Variants in ELSPBP1 observed in about 807,000 individuals in gnomAD.
ELSPBP1 encodes the protein epididymal sperm-binding protein 1.
A neutral mutation model predicts 33.3 loss-of-function variants in ELSPBP1; 38 were observed. The ratio of observed to expected loss-of-function variants is 1.14; its 90% confidence interval spans 0.88 to 1.50. The LOEUF is 1.50. Among genes scored for constraint, ELSPBP1 ranks in the 40% most tolerant of loss-of-function variants. The pLI is 0.00. For missense variants in ELSPBP1, 267 were observed against 263.5 expected (o/e 1.01, Z -0.09); for synonymous variants, 85 against 94.1 (o/e 0.90, Z 0.56).
At chr19:48,015,482 CCCATCT>C (rs1967121800) in intron 3 of ELSPBP1, among the ~76,000 whole-genome samples, 1 of 152,084 alleles carries the variant, frequency 6.6e-6, no homozygotes, top group Admixed American at 6.6e-5. Context: ...ATGGCGACAC[CCCATCT>C]CTACTAAAAA....
Position 48,006,621 on chromosome 19 carries a change from C to CAAAAA in ELSPBP1, c.-17-2008_-17-2004dup, listed in dbSNP as rs1190341508. 8.5e-3 allele frequency among the ~76,000 whole-genome samples: 175 copies of CAAAAA among 20,580 alleles called. 3 individuals carry two copies. The highest frequency in any genetic ancestry group is 0.029 in the Middle Eastern group (1 of 34). 13.5% of individuals were successfully genotyped at this position (20,580 alleles called of 152,430 possible). On this transcript the variant is annotated intron_variant, in intron 1 of 6. Coordinates refer to ENST00000339841, the MANE Select transcript of ELSPBP1 (RefSeq NM_022142.5). ...TGGGCGACAGAGTGAGACCCTGTCT[C>CAAAAA]AAAAAAAAAAAAAAAAAAAAAAAAA...
At position 48,015,890 on chromosome 19, in the gene ELSPBP1, C is replaced by G; in HGVS notation, c.209-3C>G. 1 of 1,605,080 alleles carries G rather than the reference C, an allele frequency of 6.2e-7. No individual in the cohort carries two copies. Among genetic ancestry groups the G allele is most frequent in the Non-Finnish European group, 8.5e-7 (1 of 1,172,672 alleles). ...AGACACTCACGAACTCTGTTCCTAACAGATTACCCACGCTGTATCTTCCCT... is the reference window on the plus strand; with the variant it reads ...AGACACTCACGAACTCTGTTCCTAAGAGATTACCCACGCTGTATCTTCCCT... On this transcript the variant is annotated splice_polypyrimidine_tract_variant and splice_region_variant and intron_variant, in intron 3 of 6. Transcript: ENST00000339841.
chr19:48,023,513 AAATAAGGAAGGAAGGG>A lies in ELSPBP1; in HGVS notation c.*7+1181_*7+1196del, dbSNP rs1967233520. ...GAGGGAGGGAAGGAAAAGAGGAAGG[AAATAAGGAAGGAAGGG>A]AGGAAGGAAAGAAGGAAGAAAAGGG... On this transcript the variant is annotated intron_variant, in intron 6 of 6. Coordinates refer to ENST00000339841, the MANE Select transcript of ELSPBP1 (RefSeq NM_022142.5). 5.4e-5 allele frequency among the ~76,000 whole-genome samples: 5 copies of A among 91,996 alleles called. 1 individual carries two copies. The highest frequency in any genetic ancestry group is 2.1e-4 in the Admixed American group (2 of 9,566). The allele number at this position is 91,996 out of a possible 152,430, so 60.4% of individuals were successfully genotyped here. A position where few individuals can be genotyped will look rare whatever the true frequency, so the allele number is the denominator to read the frequency against.
chr19:48,024,068 G>C lies in ELSPBP1; in HGVS notation c.*8-884G>C, dbSNP rs547389962. 6.2e-3 allele frequency among the ~76,000 whole-genome samples: 904 copies of C among 144,658 alleles called. 4 individuals carry two copies. The highest frequency in any genetic ancestry group is 8.5e-3 in the Non-Finnish European group (566 of 66,534). 94.9% of individuals were successfully genotyped at this position (144,658 alleles called of 152,430 possible). A position where few individuals can be genotyped will look rare whatever the true frequency, so the allele number is the denominator to read the frequency against. On this transcript the variant is annotated intron_variant, in intron 6 of 6. Coordinates refer to ENST00000339841, the MANE Select transcript of ELSPBP1 (RefSeq NM_022142.5). ...TTTTTTTTTTTTTGTATTTTTAGTA[G>C]AGACGGGGTTTCACCATGTTGGCCA...
Position 48,025,117 on chromosome 19 carries a change from G to C in ELSPBP1, c.*173G>C, listed in dbSNP as rs574310901. On this transcript the variant is annotated 3_prime_UTR_variant, in exon 7 of 7. Coordinates refer to ENST00000339841, the MANE Select transcript of ELSPBP1 (RefSeq NM_022142.5). ...TTGTGAAGAACGTAGAGAGAATGCG[G>C]CATAACCACCAATAAAGGAGTCTTG... 7 of 152,130 alleles carry C rather than the reference G, an allele frequency of 4.6e-5. No homozygotes were observed. The highest frequency in any genetic ancestry group is 7.3e-5 in the Non-Finnish European group (5 of 68,030). The allele number at this position is 152,130 out of a possible 1,614,324, so 9.4% of individuals were successfully genotyped here. A position where few individuals can be genotyped will look rare whatever the true frequency, so the allele number is the denominator to read the frequency against.
In ELSPBP1 at chr19:48,016,055, A is replaced by T; in HGVS notation, c.355+16A>T. On this transcript the variant is annotated intron_variant, in intron 4 of 6. Coordinates refer to ENST00000339841, the MANE Select transcript of ELSPBP1 (RefSeq NM_022142.5). ...GAAACGAATGGTGAGCCCCTGTAGC[A>T]GGGATGGGATGTGTGGTGGGAGGGA... The T allele has an allele frequency of 6.2e-7, 1 of 1,611,758 alleles. No homozygotes were observed. The highest frequency in any genetic ancestry group is 8.5e-7 in the Non-Finnish European group (1 of 1,179,118).
In ELSPBP1 at chr19:47,995,517, A is replaced by G. The variant is rs560900985; in HGVS notation, c.-18+706A>G. ...AGGAAAAAGAAAGTTGAGATTCAAA[A>G]AGAGCTTACTGAGATCCTGTTGCTT... On this transcript the variant is annotated intron_variant, in intron 1 of 6. Coordinates refer to ENST00000339841, the MANE Select transcript of ELSPBP1 (RefSeq NM_022142.5). Among the ~76,000 whole-genome samples the G allele has an allele frequency of 4.4e-3, 671 of 152,308 alleles. 6 individuals carry two copies. The highest frequency in any genetic ancestry group is 7.4e-3 in the Non-Finnish European group (503 of 68,024).
chr19:48,004,435 G>T (rs1003736032), intron 1 of ELSPBP1, among the ~76,000 whole-genome samples: 1 of 152,188 alleles, frequency 6.6e-6, no homozygotes, highest in East Asian at 1.9e-4. Flanking sequence ...GGGATTATAG[G>T]CATGAGCCAC....
intron 1 of ELSPBP1, among the ~76,000 whole-genome samples, chr19:48,008,414 T>C (rs1421312185): frequency 6.6e-6 from 1 of 152,114 alleles, no homozygotes; most frequent in Admixed American, 6.6e-5. Flanking sequence ...AATGAAAATT[T>C]TGTAGAGGTG....
chr19:48,007,366 T>G (rs1031229772), intron 1 of ELSPBP1, among the ~76,000 whole-genome samples: 4 of 152,156 alleles, frequency 2.6e-5, no homozygotes, highest in Non-Finnish European at 2.9e-5. Context: ...CTCCCAAGCC[T>G]CAGTTTCCCT....
chr19:48,019,764 T>C lies in ELSPBP1; in HGVS notation c.401T>C (p.Ile134Thr). ...SLRKPCIFPSIYRNNVVSDCM... is the reference protein window; with the variant it reads ...SLRKPCIFPSTYRNNVVSDCM... ...AGGAAGCCCTGCATCTTCCCCTCCA[T>C]CTACAGAAATAATGTGGTCTCTGAT... The change falls in exon 5 of 7, where the codon ATC (isoleucine) becomes ACC (threonine). Residue 134 changes from isoleucine (I) to threonine (T), a missense_variant. Ile to Thr is a moderately conservative substitution (Grantham distance 89). Transcript: ENST00000339841. 1 of 1,614,050 alleles carries C rather than the reference T, an allele frequency of 6.2e-7. No homozygotes were observed. The highest frequency in any genetic ancestry group is 8.5e-7 in the Non-Finnish European group (1 of 1,180,006).
intron 2 of ELSPBP1, among the ~76,000 whole-genome samples, chr19:48,013,716 C>CAAA (rs35241354): frequency 0.012 from 1,609 of 135,156 alleles, 29 homozygotes; most frequent in African/African-American, 0.041. Flanking sequence ...GACTTCATCT[C>CAAA]AAAAAAAAAA....
intron 3 of ELSPBP1, among the ~76,000 whole-genome samples, chr19:48,014,542 G>T (rs895209033): frequency 1.6e-5 from 2 of 122,182 alleles, no homozygotes; most frequent in Non-Finnish European, 3.3e-5. Flanking sequence ...GGGGCGGGGG[G>T]AGGGATAGCA....
Position 48,022,189 on chromosome 19 carries a change from T to C in ELSPBP1, c.534T>C (p.Pro178=), listed in dbSNP as rs777334602. 6.2e-7 allele frequency: 1 copy of C among 1,613,054 alleles called. No individual in the cohort carries two copies. Among genetic ancestry groups the C allele is most frequent in the Non-Finnish European group, 8.5e-7 (1 of 1,179,550 alleles). The part of the protein sequence containing the change: ...CADTRISALV[P]GFPCHFPFNY... ...TCCTAGGAATTTCCGCGTTGGTCCC[T>C]GGCTTTCCTTGTCACTTTCCGTTCA... Residue 178 remains proline, a synonymous_variant, in exon 6 of 7, where the codon CCT becomes CCC. Transcript: ENST00000339841.
intron 1 of ELSPBP1, among the ~76,000 whole-genome samples, chr19:47,998,995 C>A (rs1359570594): frequency 6.6e-6 from 1 of 152,072 alleles, no homozygotes; most frequent in Non-Finnish European, 1.5e-5. Context: ...CCCTTCTGTG[C>A]GTCAGAACAT....
intron 1 of ELSPBP1, among the ~76,000 whole-genome samples, chr19:48,008,419 G>T (rs1029670912): frequency 6.6e-6 from 1 of 152,094 alleles, no homozygotes; most frequent in African/African-American, 2.4e-5. Flanking sequence ...AAATTTTGTA[G>T]AGGTGGGGTC....
At chr19:48,001,743 G>C (rs1299347258) in intron 1 of ELSPBP1, among the ~76,000 whole-genome samples, 1 of 151,648 alleles carries the variant, frequency 6.6e-6, no homozygotes, top group Non-Finnish European at 1.5e-5. Context: ...TTGTAGATAG[G>C]GGTCTCACTG....
rs750126428 is a variant in ELSPBP1, at chr19:48,019,759, C to T, written c.396C>T (p.Pro132=). The change falls in exon 5 of 7, where the codon CCC becomes CCT. Residue 132 remains proline (P), a synonymous_variant. Coordinates refer to ENST00000339841, the MANE Select transcript of ELSPBP1 (RefSeq NM_022142.5). ...GNSLRKPCIF[P]SIYRNNVVSD... ...CTCTCAGGAAGCCCTGCATCTTCCCCTCCATCTACAGAAATAATGTGGTCT... is the reference window on the plus strand; with the variant it reads ...CTCTCAGGAAGCCCTGCATCTTCCCTTCCATCTACAGAAATAATGTGGTCT... The T allele has an allele frequency of 3.1e-6, 5 of 1,614,038 alleles. No individual in the cohort carries two copies. In the South Asian group the frequency reaches 3.3e-5, roughly 11 times the overall value.
At chr19:48,019,946 C>T in intron 5 of ELSPBP1, 69 bp downstream of exon 5, 2 of 1,521,110 alleles carry the variant, frequency 1.3e-6, no homozygotes, top group Non-Finnish European at 1.8e-6. Flanking sequence ...CAAACACCTC[C>T]TGAAACCCCA....
Sources: allele counts gnomAD v4.1 joint callset (sites outside exome capture counted in the v4.1 genomes callset), GRCh38; gene constraint gnomAD v4.1.1; transcripts MANE v1.5; gene names NCBI Gene and HGNC (gene_info 2026-07-23, HGNC 2026-07-21).